The following IGSF21 variants were observed in gnomAD, a reference collection of about 807,000 sequenced individuals.
IGSF21 encodes the protein immunoglobin superfamily member 21, also known as immunoglobulin superfamily member 21.
In IGSF21, 28 loss-of-function variants were observed where a neutral mutation model predicts 46.8. That is an observed-to-expected ratio of 0.60 (90% CI 0.44 to 0.82). IGSF21 has a LOEUF of 0.82. Ranked by LOEUF, IGSF21 falls within the 40% of genes least tolerant of loss-of-function variation. The pLI is 0.00. For synonymous variants in IGSF21, 284 were observed against 273.6 expected (o/e 1.04, Z -0.38); for missense variants, 624 against 665.5 (o/e 0.94, Z 0.69).
intron 2 of IGSF21, among the ~76,000 whole-genome samples, chr1:18,247,402 C>T (rs901770005): frequency 2.0e-5 from 3 of 152,150 alleles, no homozygotes; most frequent in African/African-American, 7.2e-5. Flanking sequence ...CACCACGTGT[C>T]TTTGTTGCCC....
intron 1 of IGSF21, chr1:18,179,134 C>G (rs1485554970): frequency 1.3e-5 from 2 of 152,212 alleles, no homozygotes; most frequent in Non-Finnish European, 2.9e-5. Flanking sequence ...ACTACGGAGC[C>G]ACCGACCATT....
chr1:18,248,300 G>A (rs546591847), intron 2 of IGSF21, among the ~76,000 whole-genome samples: 11 of 152,198 alleles, frequency 7.2e-5, no homozygotes, highest in Non-Finnish European at 1.2e-4. Flanking sequence ...AACGCATTTC[G>A]AGCTGCCAGA....
intron 3 of IGSF21, among the ~76,000 whole-genome samples, chr1:18,313,357 T>C (rs28693532): frequency 0.038 from 5,863 of 152,296 alleles, 386 homozygotes; most frequent in African/African-American, 0.13. Flanking sequence ...TAGAGCCACC[T>C]GGAGCCAGGC....
intron 1 of IGSF21, among the ~76,000 whole-genome samples, chr1:18,226,481 A>G (rs1344343120): frequency 3.9e-5 from 6 of 152,152 alleles, no homozygotes; most frequent in Admixed American, 3.9e-4. Context: ...TGGCTTTGTC[A>G]GACCAAGTGG....
intron 1 of IGSF21, among the ~76,000 whole-genome samples, chr1:18,121,437 T>A (rs2086232665): frequency 6.6e-6 from 1 of 152,140 alleles, no homozygotes; most frequent in South Asian, 2.1e-4. Flanking sequence ...GTCCAGCCCC[T>A]TTTCTCATCT....
intron 2 of IGSF21, among the ~76,000 whole-genome samples, chr1:18,280,248 T>G (rs1031420828): frequency 1.3e-5 from 2 of 152,062 alleles, no homozygotes; most frequent in Non-Finnish European, 2.9e-5. Context: ...CCCCCACACC[T>G]GCCCTGTTGA....
intron 2 of IGSF21, among the ~76,000 whole-genome samples, chr1:18,260,206 T>C (rs1230115819): frequency 6.6e-6 from 1 of 152,160 alleles, no homozygotes; most frequent in African/African-American, 2.4e-5. Context: ...ACACTGAGGA[T>C]GGTCCGAGGA....
intron 4 of IGSF21, among the ~76,000 whole-genome samples, chr1:18,340,740 T>G (rs1011301781): frequency 8.5e-5 from 13 of 152,156 alleles, no homozygotes; most frequent in African/African-American, 3.1e-4. Context: ...CTTGTCCCTC[T>G]GCTTGCCTCT....
At chr1:18,306,160 C>T (rs183935313) in intron 3 of IGSF21, among the ~76,000 whole-genome samples, 55 of 152,300 alleles carry the variant, frequency 3.6e-4, no homozygotes, top group Admixed American at 3.5e-3. Flanking sequence ...GCCTAGGATA[C>T]CCTGTATGCT....
intron 1 of IGSF21, chr1:18,115,811 G>A (rs1233066386): frequency 7.0e-6 from 1 of 143,786 alleles, no homozygotes; most frequent in Non-Finnish European, 1.5e-5. Flanking sequence ...AGAAGGGAGG[G>A]AGGAAGACAG....
intron 1 of IGSF21, among the ~76,000 whole-genome samples, chr1:18,161,478 G>C (rs2086622182): frequency 6.6e-6 from 1 of 152,048 alleles, no homozygotes; most frequent in Non-Finnish European, 1.5e-5. Flanking sequence ...GCCACCAAAA[G>C]CCTTATTTAC....
At chr1:18,118,545 G>A (rs1426736620) in intron 1 of IGSF21, among the ~76,000 whole-genome samples, 1 of 152,230 alleles carries the variant, frequency 6.6e-6, no homozygotes, top group Non-Finnish European at 1.5e-5. Flanking sequence ...GTGATGAGTT[G>A]CTAATTGTTA....
rs934584062 is a variant in IGSF21 at position 18,147,297 on chromosome 1, C to T, written c.70+39099C>T. On this transcript the variant is annotated intron_variant, in intron 1 of 9. Transcript: ENST00000251296. ...CCTCTGGTGGTGCCTGCTCTCCCAC[C>T]TCACCCTGTTTGATTCTCTCCTGTG... is the stretch of plus-strand genomic sequence containing the variant. Among the ~76,000 whole-genome samples, 6 of 152,158 alleles carry T rather than the reference C, an allele frequency of 3.9e-5. No individual in the cohort carries two copies. The East Asian group carries it at 1.2e-3, about 29-fold the overall frequency.
intron 8 of IGSF21, 109 bp downstream of exon 8, chr1:18,377,101 A>G: frequency 2.5e-6 from 3 of 1,209,354 alleles, no homozygotes; most frequent in East Asian, 2.5e-5. Context: ...TTGGGCCTAA[A>G]TCTCCCAAAT....
chr1:18,373,313 G>A (rs547604611), intron 6 of IGSF21, among the ~76,000 whole-genome samples: 1 of 152,316 alleles, frequency 6.6e-6, no homozygotes, highest in South Asian at 2.1e-4. Flanking sequence ...CGGAGACTAA[G>A]AGCATTCCTT....
chr1:18,371,886 G>T (rs896278213), intron 6 of IGSF21, among the ~76,000 whole-genome samples: 1 of 152,146 alleles, frequency 6.6e-6, no homozygotes, highest in African/African-American at 2.4e-5. Context: ...TGTCTGAATC[G>T]CCCACAAGGT....
chr1:18,115,831 A>C (rs1362869447), intron 1 of IGSF21: 10 of 93,342 alleles, frequency 1.1e-4, no homozygotes, highest in African/African-American at 4.9e-4. Flanking sequence ...GGAAGGAAGG[A>C]AGGAAGGAAG....
chr1:18,276,413 T>G (rs1227242213), intron 2 of IGSF21, among the ~76,000 whole-genome samples: 1 of 152,168 alleles, frequency 6.6e-6, no homozygotes, highest in African/African-American at 2.4e-5. Context: ...CAGCTCAGGA[T>G]GTACTTGTTC....
rs142949875 is a variant in IGSF21, at chr1:18,211,020, C to T, written c.71-16878C>T. 4.8e-3 allele frequency among the ~76,000 whole-genome samples: 735 copies of T among 152,210 alleles called. 6 individuals are homozygous for T. Among genetic ancestry groups the T allele is most frequent in the African/African-American group, 0.016 (656 of 41,542 alleles). ...CTAGCTAGCTAGGTTTACAAGTGTG[C>T]ACCAACACACCCAGCTAATTTTTGT... On this transcript the variant is annotated intron_variant, in intron 1 of 9. Coordinates refer to ENST00000251296, the MANE Select transcript of IGSF21 (RefSeq NM_032880.5).
Sources: allele counts gnomAD v4.1 joint callset (sites outside exome capture counted in the v4.1 genomes callset), GRCh38; gene constraint gnomAD v4.1.1; transcripts MANE v1.5; gene names NCBI Gene and HGNC (gene_info 2026-07-23, HGNC 2026-07-21).